Variants in NABP1 observed in about 807,000 individuals in gnomAD.
The protein encoded by NABP1 is SOSS complex subunit B2.
In NABP1, 18 loss-of-function variants were observed where a neutral mutation model predicts 25.0. The observed-to-expected ratio is 0.72, with a 90% CI of 0.50 to 1.07. The LOEUF is 1.07. Among genes scored for constraint, NABP1 ranks in the 50% least tolerant of loss-of-function variants. The pLI, the probability that NABP1 is intolerant of heterozygous loss-of-function variation, is 0.00. For missense variants in NABP1, 270 were observed against 255.6 expected (o/e 1.06, Z -0.39); for synonymous variants, 71 against 85.0 (o/e 0.84, Z 0.91).
Position 191,686,743 on chromosome 2 carries a change from AGC to A in NABP1, c.*976_*977del. 6.6e-6 allele frequency: 1 copy of A among 152,532 alleles called. No homozygotes were observed. The highest frequency in any genetic ancestry group is 1.5e-5 in the Non-Finnish European group (1 of 68,028). 9.4% of individuals were successfully genotyped at this position (152,532 alleles called of 1,614,324 possible). On this transcript the variant is annotated 3_prime_UTR_variant, in exon 6 of 6. Transcript: ENST00000425611. ...CAAAGTTTCTGAACACAGTTCACAT[AGC>A]CTTATTAGCAAAAGTTTTAAGAAAT...
At position 191,679,054 on chromosome 2, in the gene NABP1, C is replaced by T. The variant is rs1687591348; in HGVS notation, c.156C>T (p.Gly52=). The T allele has an allele frequency of 2.5e-6, 4 of 1,614,216 alleles. No individual in the cohort carries two copies. The highest frequency in any genetic ancestry group is 3.4e-6 in the Non-Finnish European group (4 of 1,180,034). The part of the protein sequence containing the change: ...VRSCKVADKT[G]SITISVWDEI... ...CGTGCAAAGTAGCAGATAAAACGGG[C>T]AGCATCACTATTTCCGTGTGGGATG... The change falls in exon 2 of 6, where the codon GGC becomes GGT. Residue 52 remains glycine (G), a synonymous_variant. Transcript: ENST00000425611.
At position 191,684,276 on chromosome 2, in the gene NABP1, C is replaced by T; in HGVS notation, c.425C>T (p.Thr142Ile). 6.5e-7 allele frequency: 1 copy of T among 1,535,152 alleles called. No individual in the cohort carries two copies. Among genetic ancestry groups the T allele is most frequent in the Non-Finnish European group, 8.7e-7 (1 of 1,151,346 alleles). ...KNNSMNSNMG[T>I]GTFGPVGNGV... ...AATTCCATGAATAGTAATATGGGTACAGGTACATTTGGACCAGTGGGTAAG... is the reference window on the plus strand; with the variant it reads ...AATTCCATGAATAGTAATATGGGTATAGGTACATTTGGACCAGTGGGTAAG... Residue 142 changes from threonine to isoleucine, a missense_variant, in exon 5 of 6, where the codon ACA becomes ATA. Thr to Ile is a moderately conservative substitution (Grantham distance 89). Coordinates refer to ENST00000425611, the MANE Select transcript of NABP1 (RefSeq NM_001031716.5).
Position 191,685,701 on chromosome 2 carries a change from C to T in NABP1, c.548C>T (p.Ala183Val), listed in dbSNP as rs561347784. 1.2e-6 allele frequency: 2 copies of T among 1,614,076 alleles called. 1 individual carries two copies. Among genetic ancestry groups the T allele is most frequent in the South Asian group, 2.2e-5 (2 of 91,080 alleles). Residue 183 changes from alanine to valine, a missense_variant, in exon 6 of 6, where the codon GCT becomes GTT. Coordinates refer to ENST00000425611, the MANE Select transcript of NABP1 (RefSeq NM_001031716.5). Reference sequence around the variant, plus strand: ...ATAAATCCACAACTACAAGGAACAGCTAGTAATCAAACAGTGATGACCACA... The same window carrying T: ...ATAAATCCACAACTACAAGGAACAGTTAGTAATCAAACAGTGATGACCACA... ...GLINPQLQGT[A>V]SNQTVMTTIS...
At position 191,683,641 on chromosome 2, in the gene NABP1, T is replaced by A; in HGVS notation, c.303-88T>A. On this transcript the variant is annotated intron_variant, in intron 3 of 5. Transcript: ENST00000425611. This position sits in a 1 kb window ranked among gnomAD's most constrained non-coding sequence, Gnocchi z 4.1. The stretch of plus-strand genomic sequence containing the variant: ...CTATTAATTTGTTTGACACATAAGT[T>A]CATTCCTAAAAGTTAGAGATGTTAC... 1.1e-6 allele frequency: 1 copy of A among 918,978 alleles called. No individual in the cohort carries two copies. The highest frequency in any genetic ancestry group is 1.7e-6 in the Non-Finnish European group (1 of 588,502). 56.9% of individuals were successfully genotyped at this position (918,978 alleles called of 1,614,324 possible). A position where few individuals can be genotyped will look rare whatever the true frequency, so the allele number is the denominator to read the frequency against.
chr2:191,684,319 C>A, intron 5 of NABP1, 23 bp downstream of exon 5: 1 of 1,470,168 alleles, frequency 6.8e-7, no homozygotes, highest in Non-Finnish European at 9.1e-7. Flanking sequence ...TTGTGTGTTT[C>A]ATTTGTGATC....
At chr2:191,680,352 T>A (rs1401665314) in intron 2 of NABP1, among the ~76,000 whole-genome samples, 1 of 152,220 alleles carries the variant, frequency 6.6e-6, no homozygotes, top group African/African-American at 2.4e-5. Flanking sequence ...GGTGTTACCT[T>A]GCAGGCTTAC....
At position 191,685,690 on chromosome 2, in the gene NABP1, A is replaced by G. The variant is rs771863144; in HGVS notation, c.537A>G (p.Leu179=). The part of the protein sequence containing the change: ...SNGRGLINPQ[L]QGTASNQTVM... ...GCCGGGGACTTATAAATCCACAACT[A>G]CAAGGAACAGCTAGTAATCAAACAG... Residue 179 remains leucine (L), a synonymous_variant, in exon 6 of 6, where the codon CTA becomes CTG. Transcript: ENST00000425611. The G allele has an allele frequency of 1.2e-5, 19 of 1,614,030 alleles. No homozygotes were observed. Among genetic ancestry groups the G allele is most frequent in the African/African-American group, 5.3e-5 (4 of 74,934 alleles).
chr2:191,680,667 G>C (rs1414517575), intron 2 of NABP1, among the ~76,000 whole-genome samples: 1 of 152,110 alleles, frequency 6.6e-6, no homozygotes, highest in East Asian at 1.9e-4. Context: ...AAAATTATTG[G>C]AAAATTAAAC....
At chr2:191,678,774 C>T (rs1019208079) in intron 1 of NABP1, 69 bp downstream of exon 1, 3 of 1,451,522 alleles carry the variant, frequency 2.1e-6, no homozygotes, top group Non-Finnish European at 2.8e-6. Context: ...GGGCGCCGGC[C>T]GCTGCGCGCC....
At position 191,683,617 on chromosome 2, in the gene NABP1, TATTA is replaced by T; in HGVS notation, c.303-108_303-105del. On this transcript the variant is annotated intron_variant, in intron 3 of 5. Transcript: ENST00000425611. This position sits in a 1 kb window ranked among gnomAD's most constrained non-coding sequence, Gnocchi z 4.1. ...TGTAAATGAAGAGTTAGTTTGTTGCTATTAATTTGTTTGACACATAAGTTCATTC... is the reference window on the plus strand; with the variant it reads ...TGTAAATGAAGAGTTAGTTTGTTGCTATTTGTTTGACACATAAGTTCATTC... 2 of 718,940 alleles carry T rather than the reference TATTA, an allele frequency of 2.8e-6. No individual in the cohort carries two copies. Among genetic ancestry groups the T allele is most frequent in the East Asian group, 2.7e-5 (1 of 36,368 alleles). The allele number at this position is 718,940 out of a possible 1,614,324, so 44.5% of individuals were successfully genotyped here. A position where few individuals can be genotyped will look rare whatever the true frequency, so the allele number is the denominator to read the frequency against.
Position 191,683,480 on chromosome 2 carries a change from T to C in NABP1, c.303-249T>C. On this transcript the variant is annotated intron_variant, in intron 3 of 5. Transcript: ENST00000425611. The surrounding 1 kb of genome is among the most constrained non-coding windows in gnomAD (Gnocchi z 4.1). ...TTTGTGTCCTTGATTTTTGATGTGATTTTTTTTTCAGCACTAAAGAAGAAT... is the reference window on the plus strand; with the variant it reads ...TTTGTGTCCTTGATTTTTGATGTGACTTTTTTTTCAGCACTAAAGAAGAAT... 1 of 350,218 alleles carries C rather than the reference T, an allele frequency of 2.9e-6. No homozygotes were observed. Among genetic ancestry groups the C allele is most frequent in the Non-Finnish European group, 5.0e-6 (1 of 198,292 alleles). 21.7% of individuals were successfully genotyped at this position (350,218 alleles called of 1,614,324 possible). A position where few individuals can be genotyped will look rare whatever the true frequency, so the allele number is the denominator to read the frequency against.
Position 191,685,890 on chromosome 2 carries a change from G to C in NABP1, c.*122G>C. 2 of 929,752 alleles carry C rather than the reference G, an allele frequency of 2.2e-6. No individual in the cohort carries two copies. The highest frequency in any genetic ancestry group is 3.2e-6 in the Non-Finnish European group (2 of 632,398). The allele number at this position is 929,752 out of a possible 1,614,324, so 57.6% of individuals were successfully genotyped here. ...TTATTGGGTTTCCTTTTATATTCTT[G>C]GTTTGTTAAGAAGAATGGTTTGTTT... On this transcript the variant is annotated 3_prime_UTR_variant, in exon 6 of 6. Transcript: ENST00000425611.
chr2:191,681,849 A>T, intron 2 of NABP1, 97 bp from the exon 3 acceptor site: 1 of 727,240 alleles, frequency 1.4e-6, no homozygotes, highest in Non-Finnish European at 2.0e-6. Context: ...CCTCACTTCT[A>T]CCTTAATACA....
intron 4 of NABP1, 116 bp from the exon 5 acceptor site, chr2:191,684,114 T>C (rs1249513326): frequency 3.3e-6 from 2 of 605,504 alleles, no homozygotes; most frequent in Non-Finnish European, 5.2e-6. Context: ...AATTTGTTAA[T>C]TAAAAAAAAA....
At chr2:191,680,625 C>G (rs532088818) in intron 2 of NABP1, among the ~76,000 whole-genome samples, 84 of 152,194 alleles carry the variant, frequency 5.5e-4, no homozygotes, top group African/African-American at 1.9e-3. Flanking sequence ...ATTTCATGTT[C>G]TGTAGTGACA....
Position 191,683,336 on chromosome 2 carries a change from T to C in NABP1, c.303-393T>C, listed in dbSNP as rs1687735469. On this transcript the variant is annotated intron_variant, in intron 3 of 5. Coordinates refer to ENST00000425611, the MANE Select transcript of NABP1 (RefSeq NM_001031716.5). The surrounding 1 kb of genome is among the most constrained non-coding windows in gnomAD (Gnocchi z 4.1). The stretch of plus-strand genomic sequence containing the variant: ...GAGGGACTGAATGGGAGTGGGTGAA[T>C]GGATCGGTGCAAATCCATTACCACT... The C allele has an allele frequency of 4.4e-6, 1 of 226,278 alleles. No homozygotes were observed. Among genetic ancestry groups the C allele is most frequent in the South Asian group, 5.6e-5 (1 of 17,842 alleles). The allele number at this position is 226,278 out of a possible 1,614,324, so 14.0% of individuals were successfully genotyped here.
At chr2:191,681,234 T>G (rs1311925253) in intron 2 of NABP1, among the ~76,000 whole-genome samples, 1 of 152,204 alleles carries the variant, frequency 6.6e-6, no homozygotes, top group African/African-American at 2.4e-5. Flanking sequence ...GTTACCATAG[T>G]AGTTGTACAG....
At position 191,685,590 on chromosome 2, in the gene NABP1, C is replaced by CT. The variant is rs1388817523; in HGVS notation, c.446-3dup. The CT allele has an allele frequency of 1.3e-5, 20 of 1,599,334 alleles. No individual in the cohort carries two copies. Among genetic ancestry groups the CT allele is most frequent in the Non-Finnish European group, 1.6e-5 (19 of 1,171,888 alleles). ...GAAAATAGTGATGAATTTTTGTATT[C>CT]TTTTTTAGGAAATGGTGTTCACACT... On this transcript the variant is annotated splice_polypyrimidine_tract_variant and intron_variant, in intron 5 of 5. Transcript: ENST00000425611.
In NABP1 at chr2:191,683,629, T is replaced by G; in HGVS notation, c.303-100T>G. 2.5e-6 allele frequency: 2 copies of G among 807,454 alleles called. No individual in the cohort carries two copies. The highest frequency in any genetic ancestry group is 4.0e-6 in the Non-Finnish European group (2 of 497,988). The allele number at this position is 807,454 out of a possible 1,614,324, so 50.0% of individuals were successfully genotyped here. A position where few individuals can be genotyped will look rare whatever the true frequency, so the allele number is the denominator to read the frequency against. Reference sequence around the variant, plus strand: ...GTTAGTTTGTTGCTATTAATTTGTTTGACACATAAGTTCATTCCTAAAAGT... The same window carrying G: ...GTTAGTTTGTTGCTATTAATTTGTTGGACACATAAGTTCATTCCTAAAAGT... On this transcript the variant is annotated intron_variant, in intron 3 of 5. Coordinates refer to ENST00000425611, the MANE Select transcript of NABP1 (RefSeq NM_001031716.5). This position sits in a 1 kb window ranked among gnomAD's most constrained non-coding sequence, Gnocchi z 4.1.
Sources: allele counts gnomAD v4.1 joint callset (sites outside exome capture counted in the v4.1 genomes callset), GRCh38; gene constraint gnomAD v4.1.1; non-coding constraint Gnocchi (gnomAD v3.1); transcripts MANE v1.5; gene names NCBI Gene and HGNC (gene_info 2026-07-23, HGNC 2026-07-21).